Variants in CADM2 observed in about 807,000 individuals in gnomAD.
CADM2 encodes cell adhesion molecule 2, also known as immunoglobulin superfamily member 4D.
A neutral mutation model predicts 49.8 loss-of-function variants in CADM2; 12 were observed. That is an observed-to-expected ratio of 0.24 (90% CI 0.15 to 0.39). CADM2 has a LOEUF of 0.39. CADM2 is among the 10% of genes least tolerant of loss of function. CADM2 has a pLI of 1.00. For synonymous variants in CADM2, 214 were observed against 175.4 expected, an observed-to-expected ratio of 1.22 and a Z score of -1.74; for missense variants, 378 against 492.3, an observed-to-expected ratio of 0.77 and a Z score of 2.20.
chr3:85,554,146 G>A (rs1472240511), intron 1 of CADM2, among the ~76,000 whole-genome samples: 3 of 151,920 alleles, frequency 2.0e-5, no homozygotes, highest in Non-Finnish European at 2.9e-5. Context: ...GCTGGGGGGC[G>A]GGAGGTGTTT....
intron 3 of CADM2, among the ~76,000 whole-genome samples, chr3:85,827,299 A>T (rs922064678): frequency 6.6e-6 from 1 of 152,034 alleles, no homozygotes; most frequent in African/African-American, 2.4e-5. Flanking sequence ...TTCAAATGTT[A>T]TAGTAGGTGG....
rs1413136671 is a variant in CADM2, at chr3:85,811,379, A to T, written c.238+9183A>T. 4.6e-5 allele frequency among the ~76,000 whole-genome samples: 7 copies of T among 152,328 alleles called. No individual in the cohort carries two copies. In the South Asian group the frequency reaches 6.2e-4, roughly 14 times the overall value. ...AGAAAAATTATTTTAACAAACACTG[A>T]ACAGTTTTATTCTACCTTCTAATGA... On this transcript the variant is annotated intron_variant, in intron 3 of 9. Transcript: ENST00000383699.
chr3:85,488,784 C>T (rs1374608272), intron 1 of CADM2, among the ~76,000 whole-genome samples: 1 of 152,120 alleles, frequency 6.6e-6, no homozygotes, highest in Non-Finnish European at 1.5e-5. Context: ...TCTCCTCGGC[C>T]TCCCAAAGTG....
intron 6 of CADM2, among the ~76,000 whole-genome samples, chr3:85,933,302 T>A (rs1174782607): frequency 6.6e-6 from 1 of 151,356 alleles, no homozygotes; most frequent in Non-Finnish European, 1.5e-5. Context: ...GTCTTGCCCA[T>A]CAAGTAAGGT....
At chr3:85,716,579 C>A (rs898646415) in intron 1 of CADM2, among the ~76,000 whole-genome samples, 6 of 151,610 alleles carry the variant, frequency 4.0e-5, no homozygotes, top group Non-Finnish European at 8.9e-5. Flanking sequence ...AGTCTTTGCC[C>A]TTGCCTGAAT....
At chr3:85,565,475 G>A (rs2107203298) in intron 1 of CADM2, among the ~76,000 whole-genome samples, 1 of 152,090 alleles carries the variant, frequency 6.6e-6, no homozygotes, top group Admixed American at 6.6e-5. Flanking sequence ...ATAAACTATG[G>A]CAAATATTAA....
chr3:85,368,049 C>G (rs2032927114), intron 1 of CADM2, among the ~76,000 whole-genome samples: 1 of 152,054 alleles, frequency 6.6e-6, no homozygotes, highest in Admixed American at 6.5e-5. Flanking sequence ...ATTTATTACA[C>G]ACAAAAATTA....
intron 8 of CADM2, among the ~76,000 whole-genome samples, chr3:86,049,233 G>T (rs941508093): frequency 6.6e-6 from 1 of 151,794 alleles, no homozygotes; most frequent in African/African-American, 2.4e-5. Flanking sequence ...TATACAGAAA[G>T]ACCTAAGACT....
chr3:85,528,874 T>C (rs1466767907), intron 1 of CADM2, among the ~76,000 whole-genome samples: 2 of 152,172 alleles, frequency 1.3e-5, no homozygotes, highest in Non-Finnish European at 2.9e-5. Flanking sequence ...CAAAAACCAA[T>C]TCCTTTAACC....
At chr3:85,098,503 C>A (rs1207503856) in intron 1 of CADM2, among the ~76,000 whole-genome samples, 1 of 152,086 alleles carries the variant, frequency 6.6e-6, no homozygotes, top group Admixed American at 6.5e-5. Context: ...TGCCTTCCAA[C>A]TATTATAGAC....
intron 1 of CADM2, among the ~76,000 whole-genome samples, chr3:85,254,587 G>T (rs2042844677): frequency 2.0e-5 from 3 of 152,044 alleles, no homozygotes; most frequent in Non-Finnish European, 4.4e-5. Context: ...TTTCATTTCA[G>T]AGTTTGCCAA....
chr3:85,292,414 G>A (rs1337480151), intron 1 of CADM2, among the ~76,000 whole-genome samples: 1 of 150,986 alleles, frequency 6.6e-6, no homozygotes, highest in Non-Finnish European at 1.5e-5. Flanking sequence ...CCCAGGAATT[G>A]AACTCAGCTC....
chr3:85,280,235 A>G (rs918194124), intron 1 of CADM2, among the ~76,000 whole-genome samples: 1 of 151,096 alleles, frequency 6.6e-6, no homozygotes, highest in Non-Finnish European at 1.5e-5. Flanking sequence ...ATTGTGATGA[A>G]CTCCCTCAAC....
Position 85,999,663 on chromosome 3 carries a change from A to AAGAAAGAAAG in CADM2, c.970+38018_970+38027dup, listed in dbSNP as rs550846734. Among the ~76,000 whole-genome samples, 52 of 151,836 alleles carry AAGAAAGAAAG rather than the reference A, an allele frequency of 3.4e-4. No homozygotes were observed. In the East Asian group the frequency reaches 8.7e-3, roughly 25 times the overall value. ...AAAGAAAGAAAGGAAAGAAAAAAGAAAGAAAGAAAGAAAAAGAAAGAAAAG... is the reference window on the plus strand; with the variant it reads ...AAAGAAAGAAAGGAAAGAAAAAAGAAAGAAAGAAAGAGAAAGAAAGAAAAAGAAAGAAAAG... On this transcript the variant is annotated intron_variant, in intron 8 of 9. Coordinates refer to ENST00000383699, the MANE Select transcript of CADM2 (RefSeq NM_001167675.2).
intron 1 of CADM2, among the ~76,000 whole-genome samples, chr3:85,551,276 C>T (rs751496841): frequency 6.6e-6 from 1 of 152,148 alleles, no homozygotes; most frequent in Non-Finnish European, 1.5e-5. Flanking sequence ...GCCACTACAC[C>T]CTGCCTAGTA....
intron 1 of CADM2, among the ~76,000 whole-genome samples, chr3:85,322,608 T>C (rs988974039): frequency 2.0e-5 from 3 of 152,206 alleles, no homozygotes; most frequent in South Asian, 2.1e-4. Context: ...TAAATAAATA[T>C]GCAAAACCAA....
chr3:85,120,064 C>G (rs188943008), intron 1 of CADM2, among the ~76,000 whole-genome samples: 1 of 152,092 alleles, frequency 6.6e-6, no homozygotes, highest in African/African-American at 2.4e-5. Context: ...GATGTATATG[C>G]GACCAACAAA....
chr3:85,428,652 AATATATAATATATC>A (rs1027783602), intron 1 of CADM2, among the ~76,000 whole-genome samples: 41 of 145,574 alleles, frequency 2.8e-4, no homozygotes, highest in African/African-American at 9.5e-4. Context: ...AATTATATAA[AATATATAATATATC>A]ATATATAATA....
chr3:85,262,852 A>C (rs2107895032), intron 1 of CADM2, among the ~76,000 whole-genome samples: 1 of 150,508 alleles, frequency 6.6e-6, no homozygotes, highest in East Asian at 1.9e-4. Flanking sequence ...ATAAAATCAA[A>C]ATGCATTGAT....
Sources: gnomAD v4.1 joint callset for allele counts (sites outside exome capture counted in the v4.1 genomes callset) on GRCh38, gnomAD v4.1.1 for gene constraint, MANE v1.5 for transcripts, NCBI Gene and HGNC (gene_info 2026-07-23, HGNC 2026-07-21) for gene names.